MYLK4: variants seen among roughly 807,000 people sequenced by gnomAD.
MYLK4 encodes the protein caMLCK like.
Under a neutral mutation model 48.1 loss-of-function variants are expected in MYLK4, and 46 were observed. The ratio of observed to expected loss-of-function variants is 0.96; its 90% CI spans 0.75 to 1.22. The LOEUF (loss-of-function observed/expected upper bound fraction) is 1.22. Among genes scored for constraint, MYLK4 ranks in the 50% most tolerant of loss-of-function variants. The pLI is 0.00. For missense variants in MYLK4, 451 were observed against 486.1 expected, an observed-to-expected ratio of 0.93 and a Z score of 0.68; for synonymous variants, 170 against 180.8, an observed-to-expected ratio of 0.94 and a Z score of 0.48.
At chr6:2,701,535 C>A (rs764408767) in intron 2 of MYLK4, among the ~76,000 whole-genome samples, 3 of 152,310 alleles carry the variant, frequency 2.0e-5, no homozygotes, top group Non-Finnish European at 2.9e-5. Context: ...ACACACACTG[C>A]AAAGCAAAGT....
intron 2 of MYLK4, among the ~76,000 whole-genome samples, chr6:2,746,704 A>G (rs1413092269): frequency 6.6e-6 from 1 of 152,188 alleles, no homozygotes; most frequent in Non-Finnish European, 1.5e-5. Context: ...GAGAGAAGGG[A>G]TGAGAGAGAA....
At chr6:2,708,803 G>A (rs980831499) in intron 2 of MYLK4, among the ~76,000 whole-genome samples, 2 of 152,056 alleles carry the variant, frequency 1.3e-5, no homozygotes, top group African/African-American at 2.4e-5. Context: ...TTGCGTCTCC[G>A]TATATTCTCT....
the MYLK4 span, among the ~76,000 whole-genome samples, chr6:2,762,851 T>C: frequency 1.3e-5 from 2 of 152,220 alleles, no homozygotes; most frequent in Non-Finnish European, 2.9e-5. Flanking sequence ...TAGCCGTTCC[T>C]GCCAGTGGGT....
chr6:2,757,998 T>C, the MYLK4 span, among the ~76,000 whole-genome samples: 17 of 152,346 alleles, frequency 1.1e-4, no homozygotes, highest in South Asian at 3.5e-3. Context: ...GTGCTTCCTA[T>C]TTGTTAAGTG....
In MYLK4 at chr6:2,749,252, T is replaced by A; in HGVS notation, c.43A>T (p.Asn15Tyr). 3 of 1,614,136 alleles carry A rather than the reference T, an allele frequency of 1.9e-6. No homozygotes were observed. Among genetic ancestry groups the A allele is most frequent in the Non-Finnish European group, 2.5e-6 (3 of 1,179,992 alleles). ...GCCATTTTCTCCAGCTGGTTGCTGT[T>A]ATAACACGTGTTGAATTCTTCCAGC... ...KRLEEFNTCYNSNQLEKMAFF... is the reference protein window; with the variant it reads ...KRLEEFNTCYYSNQLEKMAFF... Residue 15 changes from asparagine (N) to tyrosine (Y), a missense_variant, in exon 2 of 13, where the codon AAC (asparagine) becomes TAC (tyrosine). Transcript: ENST00000274643.
intron 2 of MYLK4, among the ~76,000 whole-genome samples, chr6:2,716,791 A>G (rs1359957763): frequency 1.3e-5 from 2 of 152,252 alleles, no homozygotes; most frequent in African/African-American, 2.4e-5. Flanking sequence ...TAAAATGAGG[A>G]TAGTAGTTCC....
At chr6:2,699,333 C>T (rs1485401352) in intron 2 of MYLK4, among the ~76,000 whole-genome samples, 3 of 108,120 alleles carry the variant, frequency 2.8e-5, no homozygotes, top group African/African-American at 1.1e-4. Flanking sequence ...TCTCTGTCGC[C>T]CAGGCTGGAG....
chr6:2,739,043 A>G (rs1763798132), intron 2 of MYLK4, among the ~76,000 whole-genome samples: 1 of 152,230 alleles, frequency 6.6e-6, no homozygotes, highest in Non-Finnish European at 1.5e-5. Flanking sequence ...CACCTGTTTC[A>G]TATGTTGGGC....
intron 2 of MYLK4, among the ~76,000 whole-genome samples, chr6:2,734,773 T>G (rs781708833): frequency 6.6e-6 from 1 of 152,246 alleles, no homozygotes; most frequent in Admixed American, 6.5e-5. Flanking sequence ...AGCAGTTTTT[T>G]GAAGTAAACT....
rs1289200589 is a variant in MYLK4 at position 2,750,725 on chromosome 6, A to G, written c.-113+11T>C. 1 of 152,266 alleles carries G rather than the reference A, an allele frequency of 6.6e-6. No individual in the cohort carries two copies. Among genetic ancestry groups the G allele is most frequent in the Admixed American group, 6.5e-5 (1 of 15,282 alleles). The allele number at this position is 152,266 out of a possible 1,614,324, so 9.4% of individuals were successfully genotyped here. A position where few individuals can be genotyped will look rare whatever the true frequency, so the allele number is the denominator to read the frequency against. ...ATTTGAGAGGTTATAACAATAAACA[A>G]AGATAATTACCATTGATAGGATCAC... On this transcript the variant is annotated intron_variant, in intron 1 of 12. Coordinates refer to ENST00000274643, the MANE Select transcript of MYLK4 (RefSeq NM_001012418.5).
intron 2 of MYLK4, among the ~76,000 whole-genome samples, chr6:2,716,256 A>G (rs903245121): frequency 6.6e-6 from 1 of 152,338 alleles, no homozygotes. Flanking sequence ...TATCATAGTT[A>G]ACCAAAACAT....
chr6:2,709,779 C>A (rs1026597676), intron 2 of MYLK4, among the ~76,000 whole-genome samples: 1 of 152,142 alleles, frequency 6.6e-6, no homozygotes, highest in African/African-American at 2.4e-5. Context: ...TAGCCCCAGC[C>A]AAGATTTCCC....
chr6:2,679,812 G>T (rs145336364), intron 8 of MYLK4, among the ~76,000 whole-genome samples: 1 of 152,192 alleles, frequency 6.6e-6, no homozygotes, highest in Non-Finnish European at 1.5e-5. Flanking sequence ...GTGCTGAATT[G>T]TTAATGTGTC....
chr6:2,753,341 G>C (rs2113392343), upstream of MYLK4, among the ~76,000 whole-genome samples: 1 of 152,268 alleles, frequency 6.6e-6, no homozygotes, highest in South Asian at 2.1e-4. Context: ...ACAGCGTTCT[G>C]AATGTTTCCA....
intron 3 of MYLK4, 57 bp downstream of exon 3, chr6:2,692,727 G>C (rs1561844358): frequency 1.3e-6 from 2 of 1,497,776 alleles, no homozygotes; most frequent in East Asian, 4.6e-5. Flanking sequence ...ATAACAACAG[G>C]ACTTTTATAA....
intron 7 of MYLK4, among the ~76,000 whole-genome samples, chr6:2,680,761 C>T (rs1309497494): frequency 6.6e-6 from 1 of 152,212 alleles, no homozygotes; most frequent in African/African-American, 2.4e-5. Context: ...GTGAACGTTC[C>T]GGCCTCCAGA....
At chr6:2,749,450 G>C (rs1764212198) in intron 1 of MYLK4, 44 bp from the exon 2 acceptor site, 1 of 517,702 alleles carries the variant, frequency 1.9e-6, no homozygotes, top group Admixed American at 3.3e-5. Flanking sequence ...ACGTATTCAT[G>C]CATTTGACTT....
At chr6:2,720,304 T>C (rs1763023755) in intron 2 of MYLK4, among the ~76,000 whole-genome samples, 1 of 151,974 alleles carries the variant, frequency 6.6e-6, no homozygotes, top group Admixed American at 6.5e-5. Flanking sequence ...CTCGGGAGGC[T>C]GAGGCAGGAG....
At chr6:2,671,171 C>A in intron 12 of MYLK4, 105 bp downstream of exon 12, 1 of 782,448 alleles carries the variant, frequency 1.3e-6, no homozygotes. Flanking sequence ...CCAGCCAAAA[C>A]GCTGCTCTTC....
Sources: allele counts gnomAD v4.1 joint callset (sites outside exome capture counted in the v4.1 genomes callset), GRCh38; gene constraint gnomAD v4.1.1; transcripts MANE v1.5; gene names NCBI Gene and HGNC (gene_info 2026-07-23, HGNC 2026-07-21).